Variants in SGCZ observed in about 807,000 individuals in gnomAD.
The protein encoded by SGCZ is sarcoglycan zeta.
A neutral mutation model predicts 41.3 loss-of-function variants in SGCZ; 40 were observed. That is an observed-to-expected ratio of 0.97 (90% CI 0.75 to 1.26). SGCZ has a LOEUF of 1.26. Among genes scored for constraint, SGCZ ranks in the 50% most tolerant of loss-of-function variants. The pLI is 0.00. For synonymous variants in SGCZ, 206 were observed against 137.5 expected (o/e 1.50, Z -3.49); for missense variants, 552 against 369.8 (o/e 1.49, Z -4.04).
intron 1 of SGCZ, among the ~76,000 whole-genome samples, chr8:14,826,748 G>C (rs1046329638): frequency 6.6e-6 from 1 of 152,134 alleles, no homozygotes; most frequent in Admixed American, 6.5e-5. Flanking sequence ...AGAAGTGTCT[G>C]TTTATATCCT....
chr8:15,145,712 C>T (rs1799018192), intron 1 of SGCZ, among the ~76,000 whole-genome samples: 3 of 152,168 alleles, frequency 2.0e-5, no homozygotes, highest in Admixed American at 2.0e-4. Flanking sequence ...ACCTCAGGCT[C>T]CCAAAGTGCT....
chr8:15,005,076 G>C (rs999396026), intron 1 of SGCZ, among the ~76,000 whole-genome samples: 16 of 152,292 alleles, frequency 1.1e-4, no homozygotes, highest in African/African-American at 3.8e-4. Flanking sequence ...CGGTGCGCTA[G>C]ATGGCAGAGG....
chr8:14,100,095 A>G (rs1801966855), intron 7 of SGCZ, among the ~76,000 whole-genome samples: 1 of 152,068 alleles, frequency 6.6e-6, no homozygotes, highest in African/African-American at 2.4e-5. Context: ...CAAAATATAT[A>G]TATTTATATG....
chr8:14,712,797 A>T (rs1378135489), intron 1 of SGCZ, among the ~76,000 whole-genome samples: 2 of 152,132 alleles, frequency 1.3e-5, no homozygotes, highest in Non-Finnish European at 2.9e-5. Flanking sequence ...CCCTGTTTAA[A>T]TATGTCCTTA....
chr8:14,657,483 C>G (rs962372920), intron 1 of SGCZ, among the ~76,000 whole-genome samples: 2 of 152,052 alleles, frequency 1.3e-5, no homozygotes, highest in Non-Finnish European at 2.9e-5. Context: ...ACTTACTAAT[C>G]ATTGACCATG....
At chr8:14,414,786 T>C (rs1410419202) in intron 2 of SGCZ, among the ~76,000 whole-genome samples, 5 of 151,842 alleles carry the variant, frequency 3.3e-5, no homozygotes, top group Non-Finnish European at 7.4e-5. Context: ...GACAGGTAAA[T>C]AAAGCCATAT....
chr8:14,274,854 G>A (rs4269545), intron 3 of SGCZ, among the ~76,000 whole-genome samples: 149,913 of 152,152 alleles, frequency 0.99, 73,895 homozygotes, highest in East Asian at 1. Flanking sequence ...TGATAATTAT[G>A]ATTATAATAC....
At chr8:14,880,503 C>T (rs1051315461) in intron 1 of SGCZ, among the ~76,000 whole-genome samples, 21 of 152,082 alleles carry the variant, frequency 1.4e-4, no homozygotes, top group African/African-American at 4.6e-4. Context: ...CACACGCACA[C>T]GTATGTTTAC....
intron 3 of SGCZ, among the ~76,000 whole-genome samples, chr8:14,301,934 G>A (rs182844133): frequency 6.6e-6 from 1 of 152,182 alleles, no homozygotes; most frequent in African/African-American, 2.4e-5. Context: ...TTTTCAAATC[G>A]TGTTTTCCAA....
At chr8:15,168,032 T>C (rs1349342844) in intron 1 of SGCZ, among the ~76,000 whole-genome samples, 2 of 152,202 alleles carry the variant, frequency 1.3e-5, no homozygotes, top group East Asian at 1.9e-4. Flanking sequence ...AGCATAACTA[T>C]AGCCACCAGC....
chr8:14,750,453 T>A (rs1799461233), intron 1 of SGCZ, among the ~76,000 whole-genome samples: 1 of 152,142 alleles, frequency 6.6e-6, no homozygotes, highest in African/African-American at 2.4e-5. Context: ...TCTGCCTTAA[T>A]AGGTAGAAAA....
At chr8:15,026,159 C>T (rs1004154759) in intron 1 of SGCZ, among the ~76,000 whole-genome samples, 7 of 150,334 alleles carry the variant, frequency 4.7e-5, no homozygotes, top group Non-Finnish European at 8.9e-5. Context: ...TATATCAAAT[C>T]TAATTTGAAT....
At chr8:14,845,695 A>C (rs560226257) in intron 1 of SGCZ, among the ~76,000 whole-genome samples, 21 of 152,356 alleles carry the variant, frequency 1.4e-4, no homozygotes, top group African/African-American at 4.6e-4. Context: ...TCTTGAATGA[A>C]AAATTCACAG....
At chr8:14,994,959 G>C (rs1386044564) in intron 1 of SGCZ, among the ~76,000 whole-genome samples, 1 of 152,156 alleles carries the variant, frequency 6.6e-6, no homozygotes, top group African/African-American at 2.4e-5. Flanking sequence ...TAACCAGAAA[G>C]CTTCCCCTAA....
At chr8:14,734,230 T>A (rs975517641) in intron 1 of SGCZ, among the ~76,000 whole-genome samples, 1 of 152,168 alleles carries the variant, frequency 6.6e-6, no homozygotes, top group African/African-American at 2.4e-5. Context: ...TATATTGTGT[T>A]ATCAAGATTA....
At chr8:14,362,961 G>C (rs1175935041) in intron 2 of SGCZ, among the ~76,000 whole-genome samples, 1 of 152,134 alleles carries the variant, frequency 6.6e-6, no homozygotes, top group Non-Finnish European at 1.5e-5. Context: ...TAAGATGTGA[G>C]TTTTTAAAAT....
At chr8:15,053,751 T>A (rs1221102039) in intron 1 of SGCZ, among the ~76,000 whole-genome samples, 1 of 152,192 alleles carries the variant, frequency 6.6e-6, no homozygotes, top group Non-Finnish European at 1.5e-5. Flanking sequence ...CTCTTGTCAA[T>A]GATATTTACC....
chr8:15,093,981 T>G (rs530388532), intron 1 of SGCZ, among the ~76,000 whole-genome samples: 1 of 152,166 alleles, frequency 6.6e-6, no homozygotes, highest in Non-Finnish European at 1.5e-5. Context: ...GACCTCATTC[T>G]CATGAACAAT....
intron 1 of SGCZ, among the ~76,000 whole-genome samples, chr8:15,002,129 G>C (rs529161433): frequency 7.2e-5 from 11 of 151,802 alleles, no homozygotes; most frequent in African/African-American, 2.7e-4. Context: ...AGAGATGTAA[G>C]CCACAGAACA....
Sources: allele counts gnomAD v4.1 joint callset (sites outside exome capture counted in the v4.1 genomes callset), GRCh38; gene constraint gnomAD v4.1.1; transcripts MANE v1.5; gene names NCBI Gene and HGNC (gene_info 2026-07-23, HGNC 2026-07-21).